RAB3IP: variants seen among roughly 807,000 people sequenced by gnomAD.
RAB3IP encodes the protein RAB3A interacting protein.
In RAB3IP, 36 loss-of-function variants were observed where a neutral mutation model predicts 59.1. That is an observed-to-expected ratio of 0.61 (90% CI 0.47 to 0.80). The LOEUF (loss-of-function observed/expected upper bound fraction) is 0.80. Among genes scored for constraint, RAB3IP ranks in the 30% least tolerant of loss-of-function variants. RAB3IP has a pLI of 0.00. For missense variants in RAB3IP, 511 were observed against 536.0 expected (o/e 0.95, Z 0.46); for synonymous variants, 207 against 191.2 (o/e 1.08, Z -0.68).
At position 69,819,388 on chromosome 12, in the gene RAB3IP, C is replaced by A. The variant is rs900116350; in HGVS notation, c.*3942C>A. On this transcript the variant is annotated 3_prime_UTR_variant, in exon 11 of 11. Coordinates refer to ENST00000247833, the MANE Select transcript of RAB3IP (RefSeq NM_022456.5). ...GACAGAAATTCAGTGTTTGACAGAT[C>A]AAGTGTGAGGTGCCCACTGAGCATC... 1.3e-5 allele frequency: 2 copies of A among 152,170 alleles called. No homozygotes were observed. The highest frequency in any genetic ancestry group is 3.9e-4 in the East Asian group (2 of 5,188). 9.4% of individuals were successfully genotyped at this position (152,170 alleles called of 1,614,324 possible).
In RAB3IP at chr12:69,822,802, T is replaced by C. The variant is rs745960030; in HGVS notation, c.*7356T>C. The C allele has an allele frequency of 6.6e-6, 1 of 152,224 alleles. No homozygotes were observed. The highest frequency in any genetic ancestry group is 6.5e-5 in the Admixed American group (1 of 15,286). The allele number at this position is 152,224 out of a possible 1,614,324, so 9.4% of individuals were successfully genotyped here. A position where few individuals can be genotyped will look rare whatever the true frequency, so the allele number is the denominator to read the frequency against. Reference sequence around the variant, plus strand: ...ACCCCATAAATATGTACAACTATTATGTATCCATAAAAATTGGAAATAAAC... The same window carrying C: ...ACCCCATAAATATGTACAACTATTACGTATCCATAAAAATTGGAAATAAAC... On this transcript the variant is annotated 3_prime_UTR_variant, in exon 11 of 11. Transcript: ENST00000247833.
At chr12:69,751,071 T>C (rs1869205719) in intron 1 of RAB3IP, among the ~76,000 whole-genome samples, 1 of 152,218 alleles carries the variant, frequency 6.6e-6, no homozygotes, top group Non-Finnish European at 1.5e-5. Flanking sequence ...CTTCATTCTT[T>C]CATTTTATTT....
intron 3 of RAB3IP, among the ~76,000 whole-genome samples, chr12:69,775,104 G>A (rs1873691050): frequency 2.0e-5 from 1 of 51,212 alleles, no homozygotes; most frequent in Non-Finnish European, 4.1e-5. Context: ...GTGGTTTGTA[G>A]TTCTCCTTGA....
chr12:69,770,969 T>A (rs750115260), intron 3 of RAB3IP, among the ~76,000 whole-genome samples: 29 of 152,338 alleles, frequency 1.9e-4, no homozygotes, highest in Admixed American at 3.9e-4. Context: ...CCATTTAAAC[T>A]AACTTCTCAT....
chr12:69,790,928 C>G (rs1876501717), intron 4 of RAB3IP, among the ~76,000 whole-genome samples: 1 of 152,192 alleles, frequency 6.6e-6, no homozygotes, highest in Admixed American at 6.5e-5. Flanking sequence ...ATGCATCACA[C>G]TTCCTGATTT....
Position 69,751,121 on chromosome 12 carries a change from T to G in RAB3IP, c.-25-4263T>G, listed in dbSNP as rs146035259. On this transcript the variant is annotated intron_variant, in intron 1 of 10. Coordinates refer to ENST00000247833, the MANE Select transcript of RAB3IP (RefSeq NM_022456.5). ...TAATGAATTGGTTCCATAGCATTGA[T>G]CAGAGAAGGCCAGTGAGGTACTTTG... 5.3e-3 allele frequency among the ~76,000 whole-genome samples: 809 copies of G among 152,320 alleles called. 3 individuals carry two copies. Among genetic ancestry groups the G allele is most frequent in the Non-Finnish European group, 7.2e-3 (487 of 68,018 alleles).
At chr12:69,759,902 G>A (rs1196327221) in intron 3 of RAB3IP, among the ~76,000 whole-genome samples, 3 of 151,326 alleles carry the variant, frequency 2.0e-5, no homozygotes, top group Non-Finnish European at 4.4e-5. Context: ...ACGGGGTCGC[G>A]GCTGGACAGA....
intron 6 of RAB3IP, among the ~76,000 whole-genome samples, chr12:69,798,242 T>A (rs1053877125): frequency 2.6e-5 from 4 of 152,210 alleles, no homozygotes; most frequent in Non-Finnish European, 5.9e-5. Flanking sequence ...GGTATCTCAT[T>A]GTGGTTTTGA....
intron 1 of RAB3IP, among the ~76,000 whole-genome samples, chr12:69,741,298 T>C (rs1193542427): frequency 6.6e-6 from 1 of 152,230 alleles, no homozygotes; most frequent in African/African-American, 2.4e-5. Flanking sequence ...AAAGTTGCGA[T>C]AATTTGTCTA....
Position 69,784,717 on chromosome 12 carries a change from T to C in RAB3IP, c.511-3T>C, listed in dbSNP as rs201278660. 1.3e-5 allele frequency: 21 copies of C among 1,579,412 alleles called. No individual in the cohort carries two copies. In the East Asian group the frequency reaches 4.7e-4, roughly 36 times the overall value. On this transcript the variant is annotated splice_polypyrimidine_tract_variant and splice_region_variant and intron_variant, in intron 3 of 10. Coordinates refer to ENST00000247833, the MANE Select transcript of RAB3IP (RefSeq NM_022456.5). ...CCAAAATAAAATTATCAATTTCTCT[T>C]AGGAACTGAAGTTAAAAGATGAAGA... is the stretch of plus-strand genomic sequence containing the variant.
intron 5 of RAB3IP, among the ~76,000 whole-genome samples, 172 bp from the exon 6 acceptor site, chr12:69,794,969 C>T (rs539233530): frequency 3.9e-4 from 60 of 152,260 alleles, no homozygotes; most frequent in Non-Finnish European, 6.9e-4. Context: ...TGAATCCAAA[C>T]CATATGGAAA....
At chr12:69,742,269 A>G (rs1182581173) in intron 1 of RAB3IP, among the ~76,000 whole-genome samples, 1 of 152,170 alleles carries the variant, frequency 6.6e-6, no homozygotes, top group Non-Finnish European at 1.5e-5. Context: ...TATAATTCTG[A>G]TTAAGATGCA....
Position 69,755,393 on chromosome 12 carries a change from T to C in RAB3IP, c.-16T>C. On this transcript the variant is annotated 5_prime_UTR_variant, in exon 2 of 11. The change abolishes an upstream ATG in the 5' untranslated region. Coordinates refer to ENST00000247833, the MANE Select transcript of RAB3IP (RefSeq NM_022456.5). ...TTTTGTTTTAACATAGGTTATCTTA[T>C]GATGAGGCTTTTGCTATGGCTAATG... 1 of 1,613,536 alleles carries C rather than the reference T, an allele frequency of 6.2e-7. No homozygotes were observed. The highest frequency in any genetic ancestry group is 1.1e-5 in the South Asian group (1 of 91,016).
In RAB3IP at chr12:69,750,114, C is replaced by T. The variant is rs189049248; in HGVS notation, c.-25-5270C>T. Among the ~76,000 whole-genome samples, 117 of 152,284 alleles carry T rather than the reference C, an allele frequency of 7.7e-4. 1 individual carries two copies. Among genetic ancestry groups the T allele is most frequent in the African/African-American group, 2.6e-3 (107 of 41,548 alleles). On this transcript the variant is annotated intron_variant, in intron 1 of 10. Transcript: ENST00000247833. ...GAGCTTGGACAGTAGGGTCTAATAA[C>T]GGTAGGCTTTAATTCTGACTACTCT...
At chr12:69,788,191 A>G (rs1203501667) in intron 4 of RAB3IP, among the ~76,000 whole-genome samples, 1 of 152,100 alleles carries the variant, frequency 6.6e-6, no homozygotes, top group Non-Finnish European at 1.5e-5. Flanking sequence ...TATAAGATAC[A>G]TCTTTCCCTA....
chr12:69,739,498 C>T (rs1374456388), intron 1 of RAB3IP: 2 of 311,436 alleles, frequency 6.4e-6, no homozygotes, highest in Non-Finnish European at 1.2e-5. Flanking sequence ...CAGCTCACAA[C>T]ACCGGACGCC....
In RAB3IP at chr12:69,775,521, C is replaced by T. The variant is rs377134164; in HGVS notation, c.511-9199C>T. Among the ~76,000 whole-genome samples, 82 of 34,486 alleles carry T rather than the reference C, an allele frequency of 2.4e-3. 2 individuals are homozygous for T. The highest frequency in any genetic ancestry group is 9.7e-3 in the African/African-American group (80 of 8,246). The allele number at this position is 34,486 out of a possible 152,430, so 22.6% of individuals were successfully genotyped here. The stretch of plus-strand genomic sequence containing the variant: ...TCAAAGGGAATGCTTCCAGTTTTTG[C>T]CCATTCAGTATGATATTGGCTGTGG... On this transcript the variant is annotated intron_variant, in intron 3 of 10. Transcript: ENST00000247833.
At chr12:69,739,910 T>G (rs759188218) in intron 1 of RAB3IP, 1 of 1,602,892 alleles carries the variant, frequency 6.2e-7, no homozygotes, top group East Asian at 2.2e-5. Context: ...TAGTTAGTAC[T>G]GATTACTGAG....
chr12:69,788,681 C>T (rs1876116762), intron 4 of RAB3IP, among the ~76,000 whole-genome samples: 1 of 152,080 alleles, frequency 6.6e-6, no homozygotes, highest in African/African-American at 2.4e-5. Flanking sequence ...AACAGCAGAA[C>T]TGCATAACGC....
Sources: gnomAD v4.1 joint callset for allele counts (sites outside exome capture counted in the v4.1 genomes callset) on GRCh38, gnomAD v4.1.1 for gene constraint, MANE v1.5 for transcripts, NCBI Gene and HGNC (gene_info 2026-07-23, HGNC 2026-07-21) for gene names.